The following FNDC3A variants were observed in gnomAD, a reference collection of about 807,000 sequenced individuals.
The protein encoded by FNDC3A is fibronectin type-III domain-containing protein 3A.
In FNDC3A, 32 loss-of-function variants were observed where a neutral mutation model predicts 148.9. The observed-to-expected ratio is 0.21, with a 90% confidence interval of 0.16 to 0.29. The LOEUF (loss-of-function observed/expected upper bound fraction) is 0.29, where lower values mean the gene tolerates loss of function less well. Ranked by LOEUF, FNDC3A falls within the 10% of genes least tolerant of loss-of-function variation. The pLI, the probability that FNDC3A is intolerant of heterozygous loss-of-function variation, is 1.00. For synonymous variants in FNDC3A, 472 were observed against 473.6 expected (o/e 1.00, Z 0.04); for missense variants, 1,191 against 1,452.8 (o/e 0.82, Z 2.93).
chr13:49,121,904 T>G (rs1308818436), intron 4 of FNDC3A, among the ~76,000 whole-genome samples: 2 of 152,060 alleles, frequency 1.3e-5, no homozygotes, highest in African/African-American at 4.8e-5. Flanking sequence ...ATTCACAGCC[T>G]AATTCTACCA....
chr13:48,990,463 T>C (rs1225487775), intron 1 of FNDC3A, among the ~76,000 whole-genome samples: 1 of 151,674 alleles, frequency 6.6e-6, no homozygotes, highest in Non-Finnish European at 1.5e-5. Flanking sequence ...ATAAAAATGA[T>C]GACAGTTGCC....
At position 49,168,722 on chromosome 13, in the gene FNDC3A, A is replaced by G. The variant is rs1377582539; in HGVS notation, c.1147A>G (p.Thr383Ala). ...TAATCCACCAAGGATAGCCAATCGG[A>G]CCAAAAATTCACTCACTTTGCAATG... ...IPNPPRIANR[T>A]KNSLTLQWKA... Residue 383 changes from threonine (T) to alanine (A), a missense_variant, in exon 10 of 26, where the codon ACC (threonine) becomes GCC (alanine). Thr to Ala is a moderately conservative substitution (Grantham distance 58, BLOSUM62 0). This residue lies in a region of FNDC3A where 426 missense variants were observed against 473.2 expected (regional missense o/e 0.90). Coordinates refer to ENST00000492622, the MANE Select transcript of FNDC3A (RefSeq NM_001079673.2). The G allele has an allele frequency of 1.9e-6, 3 of 1,613,594 alleles. No individual in the cohort carries two copies. The highest frequency in any genetic ancestry group is 2.5e-6 in the Non-Finnish European group (3 of 1,179,774).
intron 11 of FNDC3A, among the ~76,000 whole-genome samples, chr13:49,172,937 T>A (rs1884838980): frequency 6.6e-6 from 1 of 152,176 alleles, no homozygotes; most frequent in Admixed American, 6.6e-5. Context: ...AGTTGCTGTT[T>A]TTGCCATTAA....
At chr13:49,151,675 A>G (rs1477690744) in intron 8 of FNDC3A, among the ~76,000 whole-genome samples, 5 of 152,146 alleles carry the variant, frequency 3.3e-5, no homozygotes, top group Non-Finnish European at 7.3e-5. Flanking sequence ...TGCTGCACCC[A>G]TTAACTTGTC....
intron 3 of FNDC3A, among the ~76,000 whole-genome samples, chr13:49,080,006 A>T (rs1566236953): frequency 6.6e-6 from 1 of 152,160 alleles, no homozygotes; most frequent in East Asian, 1.9e-4. Flanking sequence ...TGTGTTGCCC[A>T]GGATGCTCTC....
chr13:49,124,018 T>C (rs1881533647), intron 4 of FNDC3A, among the ~76,000 whole-genome samples: 1 of 152,162 alleles, frequency 6.6e-6, no homozygotes, highest in Non-Finnish European at 1.5e-5. Context: ...GGATTATAAA[T>C]CATTGTACTA....
intron 3 of FNDC3A, among the ~76,000 whole-genome samples, chr13:49,113,579 C>G (rs1178352369): frequency 6.6e-6 from 1 of 152,080 alleles, no homozygotes; most frequent in Non-Finnish European, 1.5e-5. Flanking sequence ...TCCTTTATTT[C>G]TTTTATAGCT....
intron 8 of FNDC3A, among the ~76,000 whole-genome samples, chr13:49,151,096 A>G (rs1883265811): frequency 6.6e-6 from 1 of 152,066 alleles, no homozygotes; most frequent in Non-Finnish European, 1.5e-5. Context: ...AGTTATGTCC[A>G]TTTGGTCTAA....
At chr13:49,074,764 TTC>T (rs1278523974) in intron 2 of FNDC3A, among the ~76,000 whole-genome samples, 1 of 152,192 alleles carries the variant, frequency 6.6e-6, no homozygotes, top group Non-Finnish European at 1.5e-5. Context: ...TTTAGTTTTT[TTC>T]CCCAGTTTCC....
chr13:49,066,016 C>T (rs943162043), intron 2 of FNDC3A, among the ~76,000 whole-genome samples: 1 of 152,106 alleles, frequency 6.6e-6, no homozygotes, highest in Non-Finnish European at 1.5e-5. Context: ...TTCTCCTACT[C>T]AACAAAGATT....
At chr13:49,188,742 G>C (rs1384873782) in intron 17 of FNDC3A, 109 bp downstream of exon 17, 10 of 724,350 alleles carry the variant, frequency 1.4e-5, no homozygotes, top group East Asian at 2.5e-5. Context: ...ATGGAGAAAA[G>C]TAACTTCTGT....
chr13:49,160,355 ATG>A (rs1291453140), intron 8 of FNDC3A, among the ~76,000 whole-genome samples: 6 of 152,138 alleles, frequency 3.9e-5, no homozygotes, highest in Non-Finnish European at 8.8e-5. Context: ...GGGAGGGTGT[ATG>A]TGTCCAGGAA....
chr13:49,022,631 A>G (rs966914785), intron 2 of FNDC3A, among the ~76,000 whole-genome samples: 7 of 152,158 alleles, frequency 4.6e-5, no homozygotes, highest in Non-Finnish European at 1.0e-4. Context: ...GTGCCTCAGA[A>G]TTCTAATACA....
At chr13:49,112,400 C>G (rs1880634127) in intron 3 of FNDC3A, among the ~76,000 whole-genome samples, 1 of 152,118 alleles carries the variant, frequency 6.6e-6, no homozygotes, top group South Asian at 2.1e-4. Flanking sequence ...AATATAGGAG[C>G]TAAAAGGTGA....
chr13:49,102,442 T>C (rs1879922172), intron 3 of FNDC3A, among the ~76,000 whole-genome samples: 2 of 152,212 alleles, frequency 1.3e-5, no homozygotes, highest in Admixed American at 1.3e-4. Context: ...ATAATAGTGT[T>C]GGGTTTTCCA....
At position 49,152,535 on chromosome 13, in the gene FNDC3A, A is replaced by C. The variant is rs553899827; in HGVS notation, c.977+6600A>C. The stretch of plus-strand genomic sequence containing the variant: ...TTGGTTTTTTTTTAATTATACTTTA[A>C]GTTTTAGGGTGTATGTGCACATTGT... On this transcript the variant is annotated intron_variant, in intron 8 of 25. Transcript: ENST00000492622. 7.9e-4 allele frequency among the ~76,000 whole-genome samples: 120 copies of C among 151,872 alleles called. 1 individual carries two copies. The highest frequency in any genetic ancestry group is 2.7e-3 in the African/African-American group (113 of 41,398).
intron 3 of FNDC3A, among the ~76,000 whole-genome samples, chr13:49,091,486 A>G (rs1879187967): frequency 6.6e-6 from 1 of 152,226 alleles, no homozygotes; most frequent in Non-Finnish European, 1.5e-5. Flanking sequence ...GTAATCACAC[A>G]TCTGGCCATT....
chr13:49,188,927 A>T (rs1400554039), intron 17 of FNDC3A, among the ~76,000 whole-genome samples: 1 of 152,248 alleles, frequency 6.6e-6, no homozygotes, highest in Non-Finnish European at 1.5e-5. Context: ...CTCAATAACC[A>T]TACTAAGCAG....
chr13:48,994,428 A>G (rs573516706), intron 1 of FNDC3A, among the ~76,000 whole-genome samples: 2 of 152,342 alleles, frequency 1.3e-5, no homozygotes, highest in South Asian at 4.2e-4. Flanking sequence ...ATGTATGGTA[A>G]TGGTTTTGTA....
Sources: allele counts gnomAD v4.1 joint callset (sites outside exome capture counted in the v4.1 genomes callset), GRCh38; gene constraint gnomAD v4.1.1; regional missense constraint gnomAD v4.1.1; transcripts MANE v1.5; gene names NCBI Gene and HGNC (gene_info 2026-07-23, HGNC 2026-07-21).